Variants in ZNF442 observed in about 807,000 individuals in gnomAD.
ZNF442 encodes the protein zinc finger protein 442.
In ZNF442, 45 loss-of-function variants were observed where a neutral mutation model predicts 57.0. The ratio of observed to expected loss-of-function variants is 0.79; its 90% CI spans 0.62 to 1.01. The LOEUF is 1.01. Ranked by LOEUF, ZNF442 falls within the 50% of genes least tolerant of loss-of-function variation. The pLI is 0.00. For synonymous variants in ZNF442, 213 were observed against 241.8 expected, an observed-to-expected ratio of 0.88 and a Z score of 1.10; for missense variants, 690 against 756.5, an observed-to-expected ratio of 0.91 and a Z score of 1.03.
At chr19:12,360,711 C>T (rs7258856) in intron 3 of ZNF442, among the ~76,000 whole-genome samples, 1 of 151,978 alleles carries the variant, frequency 6.6e-6, no homozygotes, top group East Asian at 1.9e-4. Flanking sequence ...CAAGTAGCTG[C>T]GACTTCAGGT....
At position 12,350,145 on chromosome 19, in the gene ZNF442, T is replaced by C; in HGVS notation, c.1440A>G (p.Thr480=). 1 of 1,614,102 alleles carries C rather than the reference T, an allele frequency of 6.2e-7. No homozygotes were observed. Among genetic ancestry groups the C allele is most frequent in the Non-Finnish European group, 8.5e-7 (1 of 1,180,014 alleles). The change falls in exon 6 of 6, where the codon ACA becomes ACG. Residue 480 remains threonine (T), a synonymous_variant. Transcript: ENST00000242804. The stretch of plus-strand genomic sequence containing the variant: ...CATATGGCTTCTCTCCAGTGTGAGT[T>C]GTTTCATGATTTTGAAAGGAATAGA... ...IDFYSFQNHE[T]THTGEKPYEC...
At chr19:12,354,850 C>T (rs1475046869) in intron 3 of ZNF442, among the ~76,000 whole-genome samples, 1 of 152,176 alleles carries the variant, frequency 6.6e-6, no homozygotes, top group Non-Finnish European at 1.5e-5. Flanking sequence ...ATATAGTACG[C>T]AATACGTATG....
the ZNF442 span, chr19:12,373,532 A>T: frequency 6.5e-6 from 1 of 154,372 alleles, no homozygotes; most frequent in Admixed American, 6.5e-5. Flanking sequence ...ACAAAGTAAG[A>T]CTCTGTCTTT....
chr19:12,353,833 G>A (rs1969283403), intron 3 of ZNF442, among the ~76,000 whole-genome samples: 1 of 152,110 alleles, frequency 6.6e-6, no homozygotes, highest in African/African-American at 2.4e-5. Flanking sequence ...TGGATTAATG[G>A]CTTAAAGAAT....
chr19:12,351,084 G>A lies in ZNF442; in HGVS notation c.501C>T (p.Ser167=). 2 of 1,614,168 alleles carry A rather than the reference G, an allele frequency of 1.2e-6. No homozygotes were observed. Among genetic ancestry groups the A allele is most frequent in the Admixed American group, 1.7e-5 (1 of 60,010 alleles). The part of the protein sequence containing the change: ...QCGTAFNYHH[S]FQTQERPHTG... ...TGTGAGGTCTTTCCTGTGTTTGAAAGGAGTGGTGATAATTGAAGGCTGTCC... is the reference window on the plus strand; with the variant it reads ...TGTGAGGTCTTTCCTGTGTTTGAAAAGAGTGGTGATAATTGAAGGCTGTCC... Residue 167 remains serine, a synonymous_variant, in exon 6 of 6, where the codon TCC becomes TCT. Coordinates refer to ENST00000242804, the MANE Select transcript of ZNF442 (RefSeq NM_030824.3).
intron 3 of ZNF442, among the ~76,000 whole-genome samples, chr19:12,356,496 G>A (rs374912774): frequency 1.2e-4 from 18 of 151,854 alleles, no homozygotes; most frequent in Admixed American, 9.9e-4. Context: ...GCATGGTGGC[G>A]GGTGCCTGTA....
chr19:12,351,313 T>C lies in ZNF442; in HGVS notation c.272A>G (p.His91Arg), dbSNP rs1191459483. Residue 91 changes from histidine (H) to arginine (R), a missense_variant, in exon 6 of 6, where the codon CAT becomes CGT. Physicochemically the swap from His to Arg is conservative, Grantham distance 29 (BLOSUM62 0). Coordinates refer to ENST00000242804, the MANE Select transcript of ZNF442 (RefSeq NM_030824.3). ...ACTTTCACTAAATCTCTCTATGATA[T>C]GACATCTGTAAAACATGAGAAGTAT... ...HRNPRRSLRCHIIERFSESRQ... is the reference protein window; with the variant it reads ...HRNPRRSLRCRIIERFSESRQ... 8 of 1,608,770 alleles carry C rather than the reference T, an allele frequency of 5.0e-6. No homozygotes were observed. The African/African-American group carries it at 8.0e-5, about 16-fold the overall frequency.
upstream of ZNF442, among the ~76,000 whole-genome samples, chr19:12,368,382 G>A (rs1308061083): frequency 6.6e-6 from 1 of 152,124 alleles, no homozygotes; most frequent in Non-Finnish European, 1.5e-5. Flanking sequence ...CTGCAGTAAA[G>A]ACAGGCGTAA....
chr19:12,360,314 G>C (rs111751748), intron 3 of ZNF442, among the ~76,000 whole-genome samples: 4 of 152,244 alleles, frequency 2.6e-5, no homozygotes, highest in African/African-American at 9.6e-5. Context: ...CTCAAACAGG[G>C]AATCACCCCA....
intron 3 of ZNF442, among the ~76,000 whole-genome samples, chr19:12,362,106 A>C (rs901273342): frequency 2.0e-5 from 3 of 152,168 alleles, no homozygotes; most frequent in African/African-American, 4.8e-5. Flanking sequence ...TTGGCCTCCC[A>C]AAGTGCCGAG....
Position 12,349,930 on chromosome 19 carries a change from GCTTTC to G in ZNF442, c.1650_1654del (p.Arg550SerfsTer12). ...CAGAAGGCAAGTGAGCCAAGAGAATGCTTTCCTGCATTCCTTACATTCATATGGCT... is the reference window on the plus strand; with the variant it reads ...CAGAAGGCAAGTGAGCCAAGAGAATGCTGCATTCCTTACATTCATATGGCT... On this transcript the variant is annotated frameshift_variant, in exon 6 of 6. Coordinates refer to ENST00000242804, the MANE Select transcript of ZNF442 (RefSeq NM_030824.3). LOFTEE classifies it high-confidence loss of function. The G allele has an allele frequency of 6.2e-7, 1 of 1,614,180 alleles. No homozygotes were observed. Among genetic ancestry groups the G allele is most frequent in the Non-Finnish European group, 8.5e-7 (1 of 1,180,030 alleles).
At position 12,350,912 on chromosome 19, in the gene ZNF442, G is replaced by A. The variant is rs61735341; in HGVS notation, c.673C>T (p.Arg225Cys). ...CCAGTGTGAGTTCTTTCATGCATAC[G>A]AAATAAACTAGGCCAAAAAAAGGCT... is the stretch of plus-strand genomic sequence containing the variant. ...GKAFFWPSLFRMHERTHTGEK... is the reference protein window; with the variant it reads ...GKAFFWPSLFCMHERTHTGEK... Residue 225 changes from arginine (R) to cysteine (C), a missense_variant, in exon 6 of 6, where the codon CGT (arginine) becomes TGT (cysteine). Transcript: ENST00000242804. 2.4e-3 allele frequency: 3,888 copies of A among 1,614,088 alleles called. 15 individuals are homozygous for A. Among genetic ancestry groups the A allele is most frequent in the African/African-American group, 0.013 (993 of 75,004 alleles).
chr19:12,354,410 C>A (rs1969291751), intron 3 of ZNF442, among the ~76,000 whole-genome samples: 1 of 152,194 alleles, frequency 6.6e-6, no homozygotes, highest in South Asian at 2.1e-4. Flanking sequence ...AATGTTACCT[C>A]TCATGAATAT....
intron 2 of ZNF442, among the ~76,000 whole-genome samples, chr19:12,364,301 G>T (rs1468564406): frequency 2.6e-5 from 4 of 151,718 alleles, no homozygotes. Context: ...CAGCTACTCG[G>T]GAGGGTGAGA....
chr19:12,363,158 CA>C (rs886442784), intron 3 of ZNF442, among the ~76,000 whole-genome samples: 17,244 of 60,718 alleles, frequency 0.28, 654 homozygotes, highest in Middle Eastern at 0.31. Context: ...AGCTCCGTCT[CA>C]AAAAAAAAAA....
chr19:12,363,237 T>C (rs1969468888), intron 3 of ZNF442, among the ~76,000 whole-genome samples: 1 of 151,720 alleles, frequency 6.6e-6, no homozygotes, highest in Non-Finnish European at 1.5e-5. Flanking sequence ...TTCTGGCCTC[T>C]ATGGAAATAC....
chr19:12,354,633 C>T (rs1349737378), intron 3 of ZNF442, among the ~76,000 whole-genome samples: 1 of 151,896 alleles, frequency 6.6e-6, no homozygotes, highest in East Asian at 1.9e-4. Flanking sequence ...TGCCCTGGCA[C>T]GATCTTGGCT....
chr19:12,362,405 G>A lies in ZNF442; in HGVS notation c.78+1149C>T, dbSNP rs538809490. 4.8e-4 allele frequency among the ~76,000 whole-genome samples: 73 copies of A among 151,216 alleles called. 1 individual carries two copies. Among genetic ancestry groups the A allele is most frequent in the Middle Eastern group, 3.4e-3 (1 of 290 alleles). On this transcript the variant is annotated intron_variant, in intron 3 of 5. Transcript: ENST00000242804. Reference sequence around the variant, plus strand: ...TGGGAACTGAGGAGTGTCTCTGCCCGACCGCCACCCCGTCTGGGAGGTAAG... The same window carrying A: ...TGGGAACTGAGGAGTGTCTCTGCCCAACCGCCACCCCGTCTGGGAGGTAAG...
At chr19:12,368,569 T>A (rs1408512525), upstream of ZNF442, among the ~76,000 whole-genome samples, 1 of 152,084 alleles carries the variant, frequency 6.6e-6, no homozygotes, top group Non-Finnish European at 1.5e-5. Context: ...GACGGAGAAG[T>A]CCCTTCACCA....
Sources: allele counts gnomAD v4.1 joint callset (sites outside exome capture counted in the v4.1 genomes callset), GRCh38; gene constraint gnomAD v4.1.1; transcripts MANE v1.5; gene names NCBI Gene and HGNC (gene_info 2026-07-23, HGNC 2026-07-21).